Variants in SKP1 observed in about 807,000 individuals in gnomAD.
SKP1 encodes the protein S-phase kinase associated protein 1.
SKP1 carries 1 observed loss-of-function variant against 21.5 expected under a neutral mutation model. The observed-to-expected ratio is 0.05, with a 90% CI of 0.02 to 0.22. The LOEUF (loss-of-function observed/expected upper bound fraction) is 0.22. SKP1 is among the 10% of genes least tolerant of loss of function. SKP1 has a pLI of 1.00. For missense variants in SKP1, 70 were observed against 192.0 expected (o/e 0.36, Z 3.76); for synonymous variants, 59 against 59.3 (o/e 0.99, Z 0.03).
intron 3 of SKP1, among the ~76,000 whole-genome samples, chr5:134,166,458 G>A (rs1293404984): frequency 1.3e-5 from 2 of 151,346 alleles, no homozygotes; most frequent in Admixed American, 6.6e-5. Flanking sequence ...GCGTGTGCCT[G>A]TAGTCCCAGC....
intron 2 of SKP1, among the ~76,000 whole-genome samples, chr5:134,167,567 G>A (rs1481586668): frequency 5.3e-5 from 8 of 151,656 alleles, no homozygotes; most frequent in South Asian, 2.1e-4. Flanking sequence ...CTGTCGCCCA[G>A]GCTAGAGTGT....
chr5:134,165,197 C>A (rs982813071), intron 3 of SKP1, among the ~76,000 whole-genome samples: 3 of 152,026 alleles, frequency 2.0e-5, no homozygotes, highest in African/African-American at 7.3e-5. Context: ...ATTAATGTCA[C>A]TGAATGGTGC....
chr5:134,164,926 A>C (rs1761298261), intron 3 of SKP1, among the ~76,000 whole-genome samples: 1 of 152,224 alleles, frequency 6.6e-6, no homozygotes, highest in Admixed American at 6.5e-5. Context: ...TAAGTGAAAT[A>C]AGCCAGATAC....
rs149856452 is a variant in SKP1 at position 134,150,930 on chromosome 5, T to A, written c.*6803A>T. 1.8e-3 allele frequency: 270 copies of A among 152,300 alleles called. 1 individual carries two copies. Among genetic ancestry groups the A allele is most frequent in the African/African-American group, 6.3e-3 (260 of 41,562 alleles). 9.4% of individuals were successfully genotyped at this position (152,300 alleles called of 1,614,324 possible). On this transcript the variant is annotated 3_prime_UTR_variant, in exon 6 of 6. Transcript: ENST00000353411. ...TGTTCACATACACAGTCCCTTAGAA[T>A]AAAAGCCTAGCTCAGGTCAGGAAGG...
At chr5:134,167,918 T>C (rs909567246) in intron 2 of SKP1, among the ~76,000 whole-genome samples, 2 of 152,208 alleles carry the variant, frequency 1.3e-5, no homozygotes, top group Admixed American at 6.5e-5. Flanking sequence ...ATTGGTGGAT[T>C]TTGGTATCCA....
At position 134,158,245 on chromosome 5, in the gene SKP1, C is replaced by G. The variant is rs893941875; in HGVS notation, c.456+210G>C. On this transcript the variant is annotated intron_variant, in intron 5 of 5. Transcript: ENST00000353411. The stretch of plus-strand genomic sequence containing the variant: ...TAACAAGAGCTCTTCTCATTGAAAA[C>G]TAATTGTTCTTATGCTTAAAATGCA... 2.8e-6 allele frequency: 4 copies of G among 1,446,014 alleles called. No homozygotes were observed. In the African/African-American group the frequency reaches 4.3e-5, roughly 16 times the overall value. The allele number at this position is 1,446,014 out of a possible 1,614,324, so 89.6% of individuals were successfully genotyped here.
chr5:134,174,227 C>G (rs138503487), intron 1 of SKP1, among the ~76,000 whole-genome samples: 217 of 152,312 alleles, frequency 1.4e-3, no homozygotes, highest in Non-Finnish European at 1.8e-3. Context: ...CAAAGTATAA[C>G]TACTAGGAAC....
chr5:134,169,660 T>C (rs1213529441), intron 2 of SKP1, among the ~76,000 whole-genome samples: 2 of 149,944 alleles, frequency 1.3e-5, no homozygotes, highest in Non-Finnish European at 3.0e-5. Context: ...AGGTCAGGAG[T>C]TCAAGACCAG....
At chr5:134,167,912 G>A (rs1561721703) in intron 2 of SKP1, among the ~76,000 whole-genome samples, 1 of 152,182 alleles carries the variant, frequency 6.6e-6, no homozygotes. Flanking sequence ...TTGAGTATTG[G>A]TGGATTTTGG....
chr5:134,167,332 C>T lies in SKP1; in HGVS notation c.98-89G>A, dbSNP rs1761350750. On this transcript the variant is annotated intron_variant, in intron 2 of 5. Transcript: ENST00000353411. ...TATGTCTCAAAACATAAGAGTCAGC[C>T]CCCATATCCATGAGTTCTACATCTG... The T allele has an allele frequency of 1.2e-5, 10 of 833,184 alleles. No individual in the cohort carries two copies. The Middle Eastern group carries it at 2.0e-3, about 171-fold the overall frequency. 51.6% of individuals were successfully genotyped at this position (833,184 alleles called of 1,614,324 possible).
intron 4 of SKP1, among the ~76,000 whole-genome samples, chr5:134,159,415 C>CT (rs1241166539): frequency 1.3e-5 from 2 of 152,170 alleles, no homozygotes; most frequent in Non-Finnish European, 2.9e-5. Flanking sequence ...CCGTCTCACT[C>CT]TGTCACCCAG....
At chr5:134,159,174 T>A (rs1185429182) in intron 4 of SKP1, among the ~76,000 whole-genome samples, 2 of 152,234 alleles carry the variant, frequency 1.3e-5, no homozygotes, top group East Asian at 3.8e-4. Context: ...TCCCTCTAAG[T>A]ACTTCTTTAG....
Position 134,167,258 on chromosome 5 carries a change from A to G in SKP1, c.98-15T>C, listed in dbSNP as rs1183502058. On this transcript the variant is annotated splice_polypyrimidine_tract_variant and intron_variant, in intron 2 of 5. Coordinates refer to ENST00000353411, the MANE Select transcript of SKP1 (RefSeq NM_170679.3). ...CATTCCCAAATCTAAGAAAACCAGA[A>G]GAAAGTTTCTATTTCCTAATTCCAT... 6.5e-7 allele frequency: 1 copy of G among 1,541,854 alleles called. No individual in the cohort carries two copies. Among genetic ancestry groups the G allele is most frequent in the Non-Finnish European group, 9.0e-7 (1 of 1,115,238 alleles).
rs1448333105 is a variant in SKP1 at position 134,149,530 on chromosome 5, TTAAAGTA to T, written c.*8196_*8202del. 3 of 152,226 alleles carry T rather than the reference TTAAAGTA, an allele frequency of 2.0e-5. No individual in the cohort carries two copies. Among genetic ancestry groups the T allele is most frequent in the Non-Finnish European group, 1.5e-5 (1 of 68,042 alleles). The allele number at this position is 152,226 out of a possible 1,614,324, so 9.4% of individuals were successfully genotyped here. Reference sequence around the variant, plus strand: ...GAGTTCTATTTTTTGGATTTTGTGTTTAAAGTATAAAGTCATTTTCCAGAACAGCGTC... The same window carrying T: ...GAGTTCTATTTTTTGGATTTTGTGTTTAAAGTCATTTTCCAGAACAGCGTC... On this transcript the variant is annotated 3_prime_UTR_variant, in exon 6 of 6. Coordinates refer to ENST00000353411, the MANE Select transcript of SKP1 (RefSeq NM_170679.3).
chr5:134,173,688 A>G, intron 2 of SKP1: 1 of 595,146 alleles, frequency 1.7e-6, no homozygotes, highest in Non-Finnish European at 3.2e-6. Context: ...AATCACTTCA[A>G]TGTTTATTTT....
intron 2 of SKP1, among the ~76,000 whole-genome samples, chr5:134,167,598 C>A (rs1483228036): frequency 6.6e-6 from 1 of 151,978 alleles, no homozygotes; most frequent in South Asian, 2.1e-4. Context: ...TCTCGGCTCA[C>A]TGCAAGCTCC....
At chr5:134,171,783 G>A (rs933873705) in intron 2 of SKP1, among the ~76,000 whole-genome samples, 5 of 152,194 alleles carry the variant, frequency 3.3e-5, no homozygotes, top group Non-Finnish European at 5.9e-5. Context: ...AGTGGCTCAT[G>A]CCTGTAATTC....
rs1357241846 is a variant in SKP1 at position 134,150,574 on chromosome 5, TTTC to T, written c.*7156_*7158del. 4 of 152,054 alleles carry T rather than the reference TTTC, an allele frequency of 2.6e-5. No homozygotes were observed. Among genetic ancestry groups the T allele is most frequent in the African/African-American group, 9.7e-5 (4 of 41,314 alleles). The allele number at this position is 152,054 out of a possible 1,614,324, so 9.4% of individuals were successfully genotyped here. On this transcript the variant is annotated 3_prime_UTR_variant, in exon 6 of 6. Transcript: ENST00000353411. ...ATTGTATAAAAAGGCTAAGTTGGCTTTTCTTTGAGGTTCTTTGAGAGTCCTTAA... is the reference window on the plus strand; with the variant it reads ...ATTGTATAAAAAGGCTAAGTTGGCTTTTTGAGGTTCTTTGAGAGTCCTTAA...
chr5:134,171,754 T>C (rs1027244661), intron 2 of SKP1, among the ~76,000 whole-genome samples: 2 of 152,196 alleles, frequency 1.3e-5, no homozygotes, highest in Non-Finnish European at 2.9e-5. Context: ...AGATTTGAAA[T>C]ATCACCTCGG....
Sources: allele counts gnomAD v4.1 joint callset (sites outside exome capture counted in the v4.1 genomes callset), GRCh38; gene constraint gnomAD v4.1.1; transcripts MANE v1.5; gene names NCBI Gene and HGNC (gene_info 2026-07-23, HGNC 2026-07-21).